SRCIN1: variants seen among roughly 807,000 people sequenced by gnomAD.
SRCIN1 encodes P130Cas-associated protein.
In SRCIN1, 50 loss-of-function variants were observed where a neutral mutation model predicts 116.2. That is an observed-to-expected ratio of 0.43 (90% confidence interval 0.34 to 0.54). The LOEUF is 0.54. Ranked by LOEUF, SRCIN1 falls within the 20% of genes least tolerant of loss-of-function variation. SRCIN1 has a pLI of 0.02. For synonymous variants in SRCIN1, 736 were observed against 750.0 expected (o/e 0.98, Z 0.30); for missense variants, 1,446 against 1,672.0 (o/e 0.86, Z 2.36).
At chr17:38,553,900 G>A (rs1567860005) in intron 11 of SRCIN1, among the ~76,000 whole-genome samples, 1 of 152,140 alleles carries the variant, frequency 6.6e-6, no homozygotes, top group East Asian at 1.9e-4. Context: ...CAACCTCCTC[G>A]TCCAAAAAAT....
intron 2 of SRCIN1, among the ~76,000 whole-genome samples, chr17:38,573,061 T>G (rs1315607812): frequency 6.6e-6 from 1 of 151,848 alleles, no homozygotes; most frequent in East Asian, 1.9e-4. Context: ...GGGAGGGAGG[T>G]TAGACAGCCT....
Position 38,545,647 on chromosome 17 carries a change from C to G in SRCIN1, c.3271-1678G>C, listed in dbSNP as rs530331411. On this transcript the variant is annotated intron_variant, in intron 17 of 18. Coordinates refer to ENST00000617146, the MANE Select transcript of SRCIN1 (RefSeq NM_025248.3). ...TTGGGACCAGAATTCAGGTCTTTCCCACCATACCCTGTGGCCTCCTACTTG... is the reference window on the plus strand; with the variant it reads ...TTGGGACCAGAATTCAGGTCTTTCCGACCATACCCTGTGGCCTCCTACTTG... Among the ~76,000 whole-genome samples, 179 of 152,294 alleles carry G rather than the reference C, an allele frequency of 1.2e-3. 1 individual carries two copies. The highest frequency in any genetic ancestry group is 4.1e-3 in the African/African-American group (169 of 41,570).
At position 38,531,894 on chromosome 17, in the gene SRCIN1, T is replaced by G. The variant is rs1027361688; in HGVS notation, c.*1403A>C. On this transcript the variant is annotated 3_prime_UTR_variant, in exon 19 of 19. Coordinates refer to ENST00000617146, the MANE Select transcript of SRCIN1 (RefSeq NM_025248.3). ...CCCCCTCCCCTGTGCTTACTTCACT[T>G]TGTGCTCCAAGTGGGAATCCTGCGG... 7 of 153,318 alleles carry G rather than the reference T, an allele frequency of 4.6e-5. No individual in the cohort carries two copies. The highest frequency in any genetic ancestry group is 1.7e-4 in the African/African-American group (7 of 41,592). 9.5% of individuals were successfully genotyped at this position (153,318 alleles called of 1,614,324 possible). A position where few individuals can be genotyped will look rare whatever the true frequency, so the allele number is the denominator to read the frequency against.
At chr17:38,579,224 C>G (rs954815572) in intron 1 of SRCIN1, among the ~76,000 whole-genome samples, 1 of 152,178 alleles carries the variant, frequency 6.6e-6, no homozygotes, top group Admixed American at 6.5e-5. Context: ...CCCTAAAAGA[C>G]GTGAAAATGA....
chr17:38,578,235 C>G (rs1726522209), intron 2 of SRCIN1, among the ~76,000 whole-genome samples: 1 of 152,232 alleles, frequency 6.6e-6, no homozygotes, highest in African/African-American at 2.4e-5. Context: ...CCCCGTCACA[C>G]GCTCTCGATT....
Position 38,562,991 on chromosome 17 carries a change from C to T in SRCIN1, c.741-71G>A. 2 of 1,314,734 alleles carry T rather than the reference C, an allele frequency of 1.5e-6. No individual in the cohort carries two copies. The allele number at this position is 1,314,734 out of a possible 1,614,324, so 81.4% of individuals were successfully genotyped here. ...TGCACAATGAGAAGGGATGGCTACT[C>T]CAGGCCTAGAGAAGAGGGGTGGCCA... is the stretch of plus-strand genomic sequence containing the variant. On this transcript the variant is annotated intron_variant, in intron 5 of 18. Coordinates refer to ENST00000617146, the MANE Select transcript of SRCIN1 (RefSeq NM_025248.3). This position sits in a 1 kb window ranked among gnomAD's most constrained non-coding sequence, Gnocchi z 4.2.
At chr17:38,535,214 T>G (rs1290942849) in intron 18 of SRCIN1, among the ~76,000 whole-genome samples, 5 of 150,258 alleles carry the variant, frequency 3.3e-5, no homozygotes, top group Non-Finnish European at 7.4e-5. Context: ...TCTTTCTTTT[T>G]TTTTTTTTTT....
chr17:38,563,507 G>A lies in SRCIN1; in HGVS notation c.556C>T (p.Gln186Ter). The change falls in exon 5 of 19, where the codon CAG becomes TAG. Residue 186 changes from glutamine (Q) to a stop codon, truncating the protein, a stop_gained. Transcript: ENST00000617146. LOFTEE classifies it high-confidence loss of function. This position sits in a 1 kb window ranked among gnomAD's most constrained non-coding sequence, Gnocchi z 5.8. ...KLRSPGVLFL[Q>*]FGEETRRVHI... is the part of the protein sequence containing the mutation. ...ACGCGCCGAGTCTCCTCCCCGAACT[G>A]CAGGAACAGCACCCCTGCGAAGGAG... The A allele has an allele frequency of 6.4e-7, 1 of 1,550,744 alleles. No individual in the cohort carries two copies.
At chr17:38,578,454 G>A (rs1423229171) in intron 2 of SRCIN1, 36 bp downstream of exon 2, 17 of 1,528,260 alleles carry the variant, frequency 1.1e-5, no homozygotes, top group Non-Finnish European at 1.4e-5. Context: ...CGCTGGCCGC[G>A]GCCGCAGCCG....
chr17:38,533,652 G>C (rs896829364), intron 18 of SRCIN1, among the ~76,000 whole-genome samples: 2 of 151,170 alleles, frequency 1.3e-5, no homozygotes, highest in Admixed American at 1.3e-4. Flanking sequence ...CAAAGGGCCT[G>C]GGTGGTCAGA....
chr17:38,561,857 T>C lies in SRCIN1; in HGVS notation c.1306A>G (p.Ser436Gly). 1 of 1,465,040 alleles carries C rather than the reference T, an allele frequency of 6.8e-7. No individual in the cohort carries two copies. Among genetic ancestry groups the C allele is most frequent in the Non-Finnish European group, 8.9e-7 (1 of 1,119,740 alleles). The allele number at this position is 1,465,040 out of a possible 1,614,324, so 90.8% of individuals were successfully genotyped here. A position where few individuals can be genotyped will look rare whatever the true frequency, so the allele number is the denominator to read the frequency against. The change falls in exon 7 of 19, where the codon AGC becomes GGC. Residue 436 changes from serine to glycine, a missense_variant. Physicochemically the swap from Ser to Gly is moderately conservative, Grantham distance 56 (BLOSUM62 0). Around this residue, in one of 5 missense-constraint regions of SRCIN1, gnomAD observed 239 missense variants for 317.7 expected, o/e 0.75. Coordinates refer to ENST00000617146, the MANE Select transcript of SRCIN1 (RefSeq NM_025248.3). The stretch of plus-strand genomic sequence containing the variant: ...TGCAGCGCGGCGGCCGAGTAGGTGC[T>C]GAGCGAGCGCACCGAGCCGCGCTTG... ...LYKRGSVRSLSTYSAAALQSD... is the reference protein window; with the variant it reads ...LYKRGSVRSLGTYSAAALQSD...
chr17:38,599,421 C>G (rs983135562), intron 1 of SRCIN1, among the ~76,000 whole-genome samples: 5 of 152,314 alleles, frequency 3.3e-5, no homozygotes, highest in African/African-American at 1.2e-4. Context: ...CTCTGGCAAC[C>G]ACACCAGCCA....
Position 38,552,924 on chromosome 17 carries a change from C to A in SRCIN1, c.2202-69G>T, listed in dbSNP as rs1419274915. ...GCCAGCCCAGCCCCCTGAAATTGGGCAACTGGAAAGAAATCAGGCCACCAG... is the reference window on the plus strand; with the variant it reads ...GCCAGCCCAGCCCCCTGAAATTGGGAAACTGGAAAGAAATCAGGCCACCAG... On this transcript the variant is annotated intron_variant, in intron 11 of 18. Transcript: ENST00000617146. This position sits in a 1 kb window ranked among gnomAD's most constrained non-coding sequence, Gnocchi z 5.3. The A allele has an allele frequency of 4.3e-5, 66 of 1,552,434 alleles. 1 individual carries two copies. Among genetic ancestry groups the A allele is most frequent in the Non-Finnish European group, 2.6e-6 (3 of 1,150,468 alleles).
chr17:38,563,678 T>C lies in SRCIN1; in HGVS notation c.542-157A>G, dbSNP rs1215421875. On this transcript the variant is annotated intron_variant, in intron 4 of 18. Coordinates refer to ENST00000617146, the MANE Select transcript of SRCIN1 (RefSeq NM_025248.3). The surrounding 1 kb of genome is among the most constrained non-coding windows in gnomAD (Gnocchi z 5.8). ...TGCAGATGCACCCAGGCACCTCTCA[T>C]GCTGCCGGCGGGGGCGCCAGGCCGG... is the stretch of plus-strand genomic sequence containing the variant. 4.7e-6 allele frequency: 5 copies of C among 1,053,976 alleles called. No individual in the cohort carries two copies. In the Admixed American group the frequency reaches 8.0e-5, roughly 17 times the overall value. The allele number at this position is 1,053,976 out of a possible 1,614,324, so 65.3% of individuals were successfully genotyped here.
At chr17:38,549,458 T>A (rs1293275094) in intron 15 of SRCIN1, among the ~76,000 whole-genome samples, 1 of 152,162 alleles carries the variant, frequency 6.6e-6, no homozygotes, top group Non-Finnish European at 1.5e-5. Flanking sequence ...CCAGCAGCAC[T>A]GGCAGCGCCT....
At chr17:38,573,111 C>G (rs959197103) in intron 2 of SRCIN1, among the ~76,000 whole-genome samples, 1 of 152,212 alleles carries the variant, frequency 6.6e-6, no homozygotes, top group Non-Finnish European at 1.5e-5. Context: ...GGAGTCCAAC[C>G]TCTGGTGCCC....
intron 2 of SRCIN1, among the ~76,000 whole-genome samples, chr17:38,577,953 G>A (rs962865412): frequency 4.1e-4 from 63 of 152,152 alleles, no homozygotes; most frequent in African/African-American, 1.3e-3. Context: ...GGTGGAACAG[G>A]GAGGAAAGAG....
rs575196098 is a variant in SRCIN1 at position 38,580,473 on chromosome 17, A to C, written c.23-1682T>G. On this transcript the variant is annotated intron_variant, in intron 1 of 18. Coordinates refer to ENST00000617146, the MANE Select transcript of SRCIN1 (RefSeq NM_025248.3). ...CTCATGGCTGCATGCTTCCTTCCCT[A>C]CACCCCATCAGGTGGGTGTTATCAT... Among the ~76,000 whole-genome samples, 7 of 152,258 alleles carry C rather than the reference A, an allele frequency of 4.6e-5. No homozygotes were observed. In the South Asian group the frequency reaches 1.5e-3, roughly 32 times the overall value.
In SRCIN1 at chr17:38,562,923, G is replaced by A. The variant is rs1906373784; in HGVS notation, c.741-3C>T. The A allele has an allele frequency of 1.2e-6, 2 of 1,609,864 alleles. No homozygotes were observed. Among genetic ancestry groups the A allele is most frequent in the Non-Finnish European group, 1.7e-6 (2 of 1,177,154 alleles). On this transcript the variant is annotated splice_polypyrimidine_tract_variant and splice_region_variant and intron_variant, in intron 5 of 18. Transcript: ENST00000617146. The surrounding 1 kb of genome is among the most constrained non-coding windows in gnomAD (Gnocchi z 4.2). ...TAATACTGCGGTCCTGGATGTCCCT[G>A]GGAGAGGCGGGGAGACGGGGGTCAC... is the stretch of plus-strand genomic sequence containing the variant.
Sources: allele counts gnomAD v4.1 joint callset (sites outside exome capture counted in the v4.1 genomes callset), GRCh38; gene constraint gnomAD v4.1.1; regional missense constraint gnomAD v4.1.1; non-coding constraint Gnocchi (gnomAD v3.1); transcripts MANE v1.5; gene names NCBI Gene and HGNC (gene_info 2026-07-23, HGNC 2026-07-21).